Variants in ZNF362 observed in about 807,000 individuals in gnomAD.
ZNF362 encodes zinc finger protein 362, also known as rotund homolog.
In ZNF362, 11 loss-of-function variants were observed where a neutral mutation model predicts 42.9. The observed-to-expected ratio is 0.26, with a 90% CI of 0.16 to 0.42. The LOEUF is 0.42. ZNF362 is among the 20% of genes least tolerant of loss of function. The pLI is 1.00. For synonymous variants in ZNF362, 255 were observed against 257.3 expected, an observed-to-expected ratio of 0.99 and a Z score of 0.09; for missense variants, 362 against 576.2, an observed-to-expected ratio of 0.63 and a Z score of 3.81.
At chr1:33,282,859 T>C (rs1570401939) in intron 6 of ZNF362, among the ~76,000 whole-genome samples, 1 of 143,794 alleles carries the variant, frequency 7.0e-6, no homozygotes, top group South Asian at 2.2e-4. Context: ...TGCAGGAGGG[T>C]ATAGACATCA....
chr1:33,206,923 T>G, the ZNF362 span, among the ~76,000 whole-genome samples: 1 of 152,204 alleles, frequency 6.6e-6, no homozygotes, highest in Non-Finnish European at 1.5e-5. Flanking sequence ...TACCATCTGT[T>G]GGGGAGGATA....
At chr1:33,183,450 G>A in the ZNF362 span, among the ~76,000 whole-genome samples, 1 of 152,182 alleles carries the variant, frequency 6.6e-6, no homozygotes, top group Admixed American at 6.5e-5. Flanking sequence ...TTTCTTATGG[G>A]CAGAGCCCTG....
rs138085775 is a variant in ZNF362, at chr1:33,266,171, G to T, written c.-88-4316G>T. ...CTCTCTGGGGGCAGGGATTATGTTT[G>T]AGAAACCTTTGCTCTCCCAGGGAGT... On this transcript the variant is annotated intron_variant, in intron 1 of 8. Transcript: ENST00000539719. The surrounding 1 kb of genome is among the most constrained non-coding windows in gnomAD (Gnocchi z 4.3). Among the ~76,000 whole-genome samples the T allele has an allele frequency of 6.6e-6, 1 of 152,320 alleles. No homozygotes were observed. Among genetic ancestry groups the T allele is most frequent in the African/African-American group, 2.4e-5 (1 of 41,582 alleles).
chr1:33,267,978 A>G (rs1645875952), intron 1 of ZNF362, among the ~76,000 whole-genome samples: 1 of 152,212 alleles, frequency 6.6e-6, no homozygotes, highest in African/African-American at 2.4e-5. Context: ...CCAATAATAC[A>G]TGAGCGTGCC....
At chr1:33,282,493 G>A (rs1254804061) in intron 6 of ZNF362, among the ~76,000 whole-genome samples, 1 of 152,200 alleles carries the variant, frequency 6.6e-6, no homozygotes, top group Admixed American at 6.5e-5. Context: ...CTAGTTGAGT[G>A]TGTGAAAGGG....
chr1:33,267,100 C>T (rs1645869950), intron 1 of ZNF362, among the ~76,000 whole-genome samples: 1 of 152,084 alleles, frequency 6.6e-6, no homozygotes, highest in South Asian at 2.1e-4. Flanking sequence ...TTGAGCAGGC[C>T]CCTGTCCCTC....
chr1:33,286,900 C>T (rs1014606189), intron 6 of ZNF362, among the ~76,000 whole-genome samples: 1 of 152,138 alleles, frequency 6.6e-6, no homozygotes. Context: ...CAAAACAGAG[C>T]CAGCCCCGGT....
At chr1:33,222,496 T>A in the ZNF362 span, among the ~76,000 whole-genome samples, 1 of 152,216 alleles carries the variant, frequency 6.6e-6, no homozygotes, top group Non-Finnish European at 1.5e-5. Context: ...GCCAGAGTGA[T>A]CTTTTAAAAA....
chr1:33,221,072 A>G, the ZNF362 span, among the ~76,000 whole-genome samples: 1 of 152,052 alleles, frequency 6.6e-6, no homozygotes, highest in East Asian at 1.9e-4. Context: ...CCATGTGTGT[A>G]TGTGAAGGGT....
the ZNF362 span, chr1:33,147,272 A>G: frequency 2.5e-6 from 4 of 1,614,112 alleles, no homozygotes; most frequent in East Asian, 4.5e-5. This position sits in a 1 kb window ranked among gnomAD's most constrained non-coding sequence, Gnocchi z 8.1. Context: ...TTGCCAGGGA[A>G]CTTCTCGCGG....
At chr1:33,200,920 G>T in the ZNF362 span, among the ~76,000 whole-genome samples, 1 of 152,144 alleles carries the variant, frequency 6.6e-6, no homozygotes, top group South Asian at 2.1e-4. Context: ...AGAGAATTTG[G>T]ACACAGACAA....
At chr1:33,248,388 G>A in the ZNF362 span, among the ~76,000 whole-genome samples, 1 of 152,176 alleles carries the variant, frequency 6.6e-6, no homozygotes, top group Non-Finnish European at 1.5e-5. Flanking sequence ...AGATGACTAA[G>A]ACATAGTCTT....
chr1:33,190,212 C>G, the ZNF362 span, among the ~76,000 whole-genome samples: 1 of 152,132 alleles, frequency 6.6e-6, no homozygotes, highest in Admixed American at 6.6e-5. Context: ...TATTGGGCAG[C>G]AATACCCTTG....
At chr1:33,234,593 G>A in the ZNF362 span, among the ~76,000 whole-genome samples, 2 of 152,220 alleles carry the variant, frequency 1.3e-5, no homozygotes, top group African/African-American at 4.8e-5. Context: ...CAGAGAGATC[G>A]GAAGGAGCAG....
the ZNF362 span, among the ~76,000 whole-genome samples, chr1:33,198,786 C>T: frequency 6.6e-6 from 1 of 151,984 alleles, no homozygotes; most frequent in Non-Finnish European, 1.5e-5. Context: ...TCCATATGTT[C>T]AAAAAGCCAG....
At chr1:33,147,581 C>T in the ZNF362 span, 6 of 1,614,002 alleles carry the variant, frequency 3.7e-6, no homozygotes, top group Non-Finnish European at 5.1e-6. The surrounding 1 kb of genome is among the most constrained non-coding windows in gnomAD (Gnocchi z 8.1). Context: ...GCTTCAGAAC[C>T]CAGCACCGAC....
chr1:33,161,224 TGA>T, the ZNF362 span, among the ~76,000 whole-genome samples: 113 of 152,312 alleles, frequency 7.4e-4, 1 homozygote, highest in African/African-American at 2.5e-3. This position sits in a 1 kb window ranked among gnomAD's most constrained non-coding sequence, Gnocchi z 4.3. Flanking sequence ...AAGTCTTCAT[TGA>T]GAGACGGGTT....
chr1:33,141,008 G>T, the ZNF362 span, among the ~76,000 whole-genome samples: 1 of 152,130 alleles, frequency 6.6e-6, no homozygotes, highest in South Asian at 2.1e-4. Context: ...CCCTGACTGT[G>T]CCCTGCAGGC....
chr1:33,217,463 A>G, the ZNF362 span, among the ~76,000 whole-genome samples: 155 of 152,208 alleles, frequency 1.0e-3, no homozygotes, highest in African/African-American at 3.5e-3. Context: ...GCAACTTTAC[A>G]CTGGGTCAGA....
Sources: gnomAD v4.1 joint callset for allele counts (sites outside exome capture counted in the v4.1 genomes callset) on GRCh38, gnomAD v4.1.1 for gene constraint, Gnocchi (gnomAD v3.1) non-coding constraint, MANE v1.5 for transcripts, NCBI Gene and HGNC (gene_info 2026-07-23, HGNC 2026-07-21) for gene names.